The following CYB5A variants were observed in gnomAD, a reference collection of about 807,000 sequenced individuals.
The protein encoded by CYB5A is cytochrome b5.
A neutral mutation model predicts 16.2 loss-of-function variants in CYB5A; 10 were observed. That is an observed-to-expected ratio of 0.62 (90% CI 0.38 to 1.04). CYB5A has a LOEUF of 1.04. Among genes scored for constraint, CYB5A ranks in the 50% least tolerant of loss-of-function variants. The pLI is 0.01. For missense variants in CYB5A, 161 were observed against 165.9 expected (o/e 0.97, Z 0.16); for synonymous variants, 62 against 57.0 (o/e 1.09, Z -0.40).
intron 1 of CYB5A, among the ~76,000 whole-genome samples, chr18:74,287,786 G>A (rs1056658970): frequency 2.0e-5 from 3 of 152,192 alleles, no homozygotes; most frequent in Admixed American, 2.0e-4. Context: ...TAATGGAAGT[G>A]TTGTTAATTA....
At chr18:74,286,612 C>T (rs573951896) in intron 1 of CYB5A, among the ~76,000 whole-genome samples, 1 of 152,300 alleles carries the variant, frequency 6.6e-6, no homozygotes, top group East Asian at 1.9e-4. Flanking sequence ...AAATACCTGA[C>T]TTGCCCAAGG....
chr18:74,286,459 A>G lies in CYB5A; in HGVS notation c.129+5288T>C, dbSNP rs377378616. On this transcript the variant is annotated intron_variant, in intron 1 of 4. Coordinates refer to ENST00000340533, the MANE Select transcript of CYB5A (RefSeq NM_148923.4). Reference sequence around the variant, plus strand: ...CTTCCACATAAAAACAATTTATTTTAAAATTTTAATTCAATCAAAATATAG... The same window carrying G: ...CTTCCACATAAAAACAATTTATTTTGAAATTTTAATTCAATCAAAATATAG... Among the ~76,000 whole-genome samples the G allele has an allele frequency of 1.8e-3, 270 of 152,366 alleles. 1 individual carries two copies. The highest frequency in any genetic ancestry group is 6.8e-3 in the Middle Eastern group (2 of 294).
At chr18:74,282,380 T>C (rs1983146778) in intron 1 of CYB5A, among the ~76,000 whole-genome samples, 1 of 151,688 alleles carries the variant, frequency 6.6e-6, no homozygotes, top group African/African-American at 2.4e-5. Context: ...TAAGAAGGGA[T>C]CACACTAGTA....
intron 2 of CYB5A, among the ~76,000 whole-genome samples, chr18:74,262,490 G>C (rs1228749906): frequency 6.6e-6 from 1 of 151,118 alleles, no homozygotes; most frequent in Non-Finnish European, 1.5e-5. Flanking sequence ...AGCCAAATTA[G>C]GCCAGTGTTT....
chr18:74,254,742 G>T (rs879336561), intron 4 of CYB5A, among the ~76,000 whole-genome samples: 1 of 151,856 alleles, frequency 6.6e-6, no homozygotes, highest in African/African-American at 2.4e-5. Flanking sequence ...GGATGGTCTC[G>T]ATCTCCTGAC....
chr18:74,262,455 CAAAAAAA>C, intron 2 of CYB5A, among the ~76,000 whole-genome samples: 1 of 132,218 alleles, frequency 7.6e-6, no homozygotes, highest in Non-Finnish European at 1.6e-5. Flanking sequence ...GACTCTGTCT[CAAAAAAA>C]AAAAAAAAGA....
intron 1 of CYB5A, among the ~76,000 whole-genome samples, chr18:74,290,483 G>A (rs1437605681): frequency 6.6e-6 from 1 of 152,134 alleles, no homozygotes; most frequent in African/African-American, 2.4e-5. Context: ...AGACTCAAGT[G>A]ATCCACCCGC....
intron 1 of CYB5A, among the ~76,000 whole-genome samples, chr18:74,282,785 G>T (rs569607319): frequency 2.0e-5 from 3 of 152,278 alleles, no homozygotes; most frequent in East Asian, 1.9e-4. Flanking sequence ...TTGCTGAGGT[G>T]GGGGAGGTAG....
chr18:74,284,611 C>G (rs1161756723), intron 1 of CYB5A, among the ~76,000 whole-genome samples: 4 of 152,152 alleles, frequency 2.6e-5, no homozygotes, highest in African/African-American at 9.7e-5. Flanking sequence ...CTGACACTCC[C>G]CAGGCCCTCA....
chr18:74,264,028 T>C (rs1308536470), intron 1 of CYB5A, among the ~76,000 whole-genome samples: 1 of 152,150 alleles, frequency 6.6e-6, no homozygotes, highest in East Asian at 1.9e-4. Context: ...CTGGCCTACA[T>C]GGCGAAACCC....
intron 1 of CYB5A, among the ~76,000 whole-genome samples, chr18:74,282,064 C>G (rs886657938): frequency 6.6e-6 from 1 of 152,134 alleles, no homozygotes; most frequent in Admixed American, 6.5e-5. Context: ...TAATTCTCCT[C>G]TTCCCTTCTA....
rs539114568 is a variant in CYB5A at position 74,254,645 on chromosome 18, G to A, written c.324-980C>T. The stretch of plus-strand genomic sequence containing the variant: ...CACCATTCTCCTGCCTCAGCCTCCC[G>A]AGTAGCTGGAACTACAGGCGCCCGC... On this transcript the variant is annotated intron_variant, in intron 4 of 4. Coordinates refer to ENST00000340533, the MANE Select transcript of CYB5A (RefSeq NM_148923.4). Among the ~76,000 whole-genome samples the A allele has an allele frequency of 3.2e-3, 485 of 151,242 alleles. 4 individuals are homozygous for A. The highest frequency in any genetic ancestry group is 0.01 in the African/African-American group (429 of 41,104).
chr18:74,277,250 G>C (rs1298024144), intron 1 of CYB5A, among the ~76,000 whole-genome samples: 1 of 152,192 alleles, frequency 6.6e-6, no homozygotes, highest in Non-Finnish European at 1.5e-5. Context: ...AAAGGGTGAT[G>C]GCCTCAAAGT....
chr18:74,291,375 T>A (rs1372164980), intron 1 of CYB5A, among the ~76,000 whole-genome samples: 1 of 151,150 alleles, frequency 6.6e-6, no homozygotes, highest in Non-Finnish European at 1.5e-5. Context: ...GTGTACGGAT[T>A]CGGGGAGCGC....
chr18:74,276,771 C>T (rs921836434), intron 1 of CYB5A, among the ~76,000 whole-genome samples: 18 of 152,200 alleles, frequency 1.2e-4, no homozygotes, highest in African/African-American at 4.3e-4. Context: ...ACTGTATGTA[C>T]TAAGAGGAGA....
intron 1 of CYB5A, among the ~76,000 whole-genome samples, chr18:74,275,422 C>T (rs1389358229): frequency 8.5e-5 from 13 of 152,098 alleles, no homozygotes; most frequent in African/African-American, 2.9e-4. Flanking sequence ...GATACCGCCT[C>T]CGAGCACCAG....
intron 1 of CYB5A, among the ~76,000 whole-genome samples, chr18:74,272,930 AAAC>A (rs1982727254): frequency 1.3e-5 from 2 of 152,166 alleles, no homozygotes; most frequent in African/African-American, 4.8e-5. Flanking sequence ...TGCAAAAACA[AAAC>A]AAAACAAAAC....
chr18:74,262,854 A>G (rs529002302), intron 2 of CYB5A, among the ~76,000 whole-genome samples: 5 of 152,296 alleles, frequency 3.3e-5, no homozygotes, highest in African/African-American at 9.6e-5. Flanking sequence ...AAGTGCCAGT[A>G]AACAATGCAA....
rs143413268 is a variant in CYB5A, at chr18:74,275,300, C to G, written c.130-11823G>C. ...TCCCAGCCTCCTTGCAGCTACATAT[C>G]TCATGTGGTTAAACTCTGGCTCATG... On this transcript the variant is annotated intron_variant, in intron 1 of 4. Transcript: ENST00000340533. Among the ~76,000 whole-genome samples the G allele has an allele frequency of 5.0e-4, 76 of 152,266 alleles. No individual in the cohort carries two copies. In the East Asian group the frequency reaches 0.012, roughly 24 times the overall value.
Sources: allele counts gnomAD v4.1 joint callset (sites outside exome capture counted in the v4.1 genomes callset), GRCh38; gene constraint gnomAD v4.1.1; transcripts MANE v1.5; gene names NCBI Gene and HGNC (gene_info 2026-07-23, HGNC 2026-07-21).